DHCR24: variants seen among roughly 807,000 people sequenced by gnomAD.
DHCR24 encodes the protein delta(24)-sterol reductase.
DHCR24 carries 28 observed loss-of-function variants against 61.2 expected under a neutral mutation model. The ratio of observed to expected loss-of-function variants is 0.46; its 90% CI spans 0.34 to 0.63. The LOEUF (loss-of-function observed/expected upper bound fraction) is 0.63, where lower values mean the gene tolerates loss of function less well. DHCR24 is among the 20% of genes least tolerant of loss of function. The probability of loss-of-function intolerance (pLI) is 0.01; values close to 1 mark genes in which losing one functional copy is unlikely to be tolerated. For missense variants in DHCR24, 538 were observed against 679.1 expected (o/e 0.79, Z 2.31); for synonymous variants, 261 against 275.9 (o/e 0.95, Z 0.54).
rs1415300144 is a variant in DHCR24 at position 54,852,207 on chromosome 1, G to A, written c.*26C>T. Reference sequence around the variant, plus strand: ...GGAAGATGCCTGACCACTCACACGTGTCTGTCTCTCCAGGCGGGCTCCAGC... The same window carrying A: ...GGAAGATGCCTGACCACTCACACGTATCTGTCTCTCCAGGCGGGCTCCAGC... On this transcript the variant is annotated 3_prime_UTR_variant, in exon 9 of 9. Transcript: ENST00000371269. 1.2e-6 allele frequency: 2 copies of A among 1,613,858 alleles called. No individual in the cohort carries two copies. The highest frequency in any genetic ancestry group is 1.3e-5 in the African/African-American group (1 of 74,942).
chr1:54,886,680 C>A, intron 1 of DHCR24: 1 of 1,507,462 alleles, frequency 6.6e-7, no homozygotes, highest in Non-Finnish European at 8.8e-7. Context: ...CCGCATATGC[C>A]CTGCACACAG....
intron 2 of DHCR24, among the ~76,000 whole-genome samples, chr1:54,879,449 T>A (rs773267498): frequency 1.3e-5 from 2 of 151,240 alleles, no homozygotes; most frequent in Non-Finnish European, 2.9e-5. Flanking sequence ...GAAGAAAAGA[T>A]TAGTTAACTT....
Position 54,851,990 on chromosome 1 carries a change from A to T in DHCR24, c.*243T>A. ...GGGGTTAAGGGACTCACCCAGAGTC[A>T]CACAGCTAATGAGTTCTAAACGGGG... On this transcript the variant is annotated 3_prime_UTR_variant, in exon 9 of 9. Transcript: ENST00000371269. 1 of 567,218 alleles carries T rather than the reference A, an allele frequency of 1.8e-6. No homozygotes were observed. The highest frequency in any genetic ancestry group is 3.2e-6 in the Non-Finnish European group (1 of 316,662). The allele number at this position is 567,218 out of a possible 1,614,324, so 35.1% of individuals were successfully genotyped here.
At chr1:54,875,495 T>C (rs892762536) in intron 3 of DHCR24, among the ~76,000 whole-genome samples, 17 of 152,028 alleles carry the variant, frequency 1.1e-4, no homozygotes, top group Admixed American at 2.6e-4. Context: ...TAGAAATCTG[T>C]GTGCATTCAT....
At chr1:54,866,439 C>T (rs911028447) in intron 5 of DHCR24, among the ~76,000 whole-genome samples, 1 of 151,944 alleles carries the variant, frequency 6.6e-6, no homozygotes, top group Non-Finnish European at 1.5e-5. Context: ...AGCTCCACCT[C>T]CCTGGTTCAC....
At chr1:54,880,396 A>G (rs1156392932) in intron 2 of DHCR24, among the ~76,000 whole-genome samples, 1 of 152,230 alleles carries the variant, frequency 6.6e-6, no homozygotes, top group Non-Finnish European at 1.5e-5. Context: ...AGGTTTCTAT[A>G]AAAATTCTAC....
In DHCR24 at chr1:54,880,297, T is replaced by C. The variant is rs1207547031; in HGVS notation, c.387+3321A>G. On this transcript the variant is annotated intron_variant, in intron 2 of 8. Transcript: ENST00000371269. ...CTAACCCAAGAAGAAATAAATAAAC[T>C]GAAGAGCCCAGTACCTATTAAAGAA... 2.0e-5 allele frequency among the ~76,000 whole-genome samples: 3 copies of C among 152,144 alleles called. No homozygotes were observed. The East Asian group carries it at 5.8e-4, about 29-fold the overall frequency.
In DHCR24 at chr1:54,887,153, G is replaced by A; in HGVS notation, c.-34C>T. 6.6e-7 allele frequency: 1 copy of A among 1,526,070 alleles called. No homozygotes were observed. The highest frequency in any genetic ancestry group is 2.5e-5 in the East Asian group (1 of 40,752). 94.5% of individuals were successfully genotyped at this position (1,526,070 alleles called of 1,614,324 possible). A position where few individuals can be genotyped will look rare whatever the true frequency, so the allele number is the denominator to read the frequency against. ...GCCGCGCGGTAAGCGCTGCGGGTTCGCGCCTCCTGTCACTGCCGCCAGCTC... is the reference window on the plus strand; with the variant it reads ...GCCGCGCGGTAAGCGCTGCGGGTTCACGCCTCCTGTCACTGCCGCCAGCTC... On this transcript the variant is annotated 5_prime_UTR_variant, in exon 1 of 9. Transcript: ENST00000371269.
intron 6 of DHCR24, among the ~76,000 whole-genome samples, chr1:54,856,207 C>A (rs1206336799): frequency 1.3e-5 from 2 of 152,140 alleles, no homozygotes; most frequent in Non-Finnish European, 2.9e-5. Context: ...TACAAATTGT[C>A]CATGGCTGCC....
intron 2 of DHCR24, among the ~76,000 whole-genome samples, chr1:54,879,321 TGAAAAAAAAA>T (rs1557439306): frequency 8.5e-5 from 1 of 11,732 alleles, no homozygotes. Flanking sequence ...AGACTCCATC[TGAAAAAAAAA>T]AAAAAAAAAA....
chr1:54,884,311 G>A (rs946028938), intron 1 of DHCR24, among the ~76,000 whole-genome samples: 2 of 152,218 alleles, frequency 1.3e-5, no homozygotes. Context: ...AAGATAGATG[G>A]AGTTGTGGTA....
At position 54,850,115 on chromosome 1, in the gene DHCR24, G is replaced by C. The variant is rs1004912019; in HGVS notation, c.*2118C>G. 9 of 152,340 alleles carry C rather than the reference G, an allele frequency of 5.9e-5. No individual in the cohort carries two copies. The highest frequency in any genetic ancestry group is 1.9e-4 in the African/African-American group (8 of 41,584). 9.4% of individuals were successfully genotyped at this position (152,340 alleles called of 1,614,324 possible). A position where few individuals can be genotyped will look rare whatever the true frequency, so the allele number is the denominator to read the frequency against. On this transcript the variant is annotated 3_prime_UTR_variant, in exon 9 of 9. Coordinates refer to ENST00000371269, the MANE Select transcript of DHCR24 (RefSeq NM_014762.4). ...AGATTTTACTGGAGCAACATAACCGGAGGGTGTGATTCCAAAATACCTTCC... is the reference window on the plus strand; with the variant it reads ...AGATTTTACTGGAGCAACATAACCGCAGGGTGTGATTCCAAAATACCTTCC...
At chr1:54,878,514 C>CAAAAAAAAAAAAA (rs56198608) in intron 2 of DHCR24, among the ~76,000 whole-genome samples, 103 of 54,330 alleles carry the variant, frequency 1.9e-3, no homozygotes, top group East Asian at 2.8e-3. Context: ...AACTCTGTCT[C>CAAAAAAAAAAAAA]AAAAAAAAAA....
At chr1:54,859,602 T>C (rs1311920439) in intron 6 of DHCR24, among the ~76,000 whole-genome samples, 1 of 152,134 alleles carries the variant, frequency 6.6e-6, no homozygotes, top group Non-Finnish European at 1.5e-5. Context: ...GTAGCTGGGA[T>C]TACAGGCATG....
At chr1:54,863,100 A>AAAAT (rs1646948033) in intron 6 of DHCR24, among the ~76,000 whole-genome samples, 1 of 119,802 alleles carries the variant, frequency 8.3e-6, no homozygotes, top group South Asian at 2.8e-4. Context: ...AAAAAAAAAA[A>AAAAT]GGCAGTCAAC....
chr1:54,886,740 G>A (rs761387300), intron 1 of DHCR24, 149 bp downstream of exon 1: 4 of 1,359,804 alleles, frequency 2.9e-6, no homozygotes, highest in Admixed American at 2.5e-5. Context: ...TTTTTGTTTC[G>A]TTCCAACCCC....
intron 2 of DHCR24, among the ~76,000 whole-genome samples, chr1:54,876,581 G>A (rs982674043): frequency 2.0e-5 from 3 of 151,862 alleles, no homozygotes; most frequent in Admixed American, 6.5e-5. Context: ...TTGAACCTGG[G>A]AGGTGGAGGT....
At chr1:54,853,758 C>T in intron 7 of DHCR24, 146 bp from the exon 8 acceptor site, 1 of 996,574 alleles carries the variant, frequency 1.0e-6, no homozygotes, top group Non-Finnish European at 1.5e-6. Flanking sequence ...GCCCCGCCCC[C>T]CAGCCCTGGC....
At chr1:54,859,594 A>G (rs1409229462) in intron 6 of DHCR24, among the ~76,000 whole-genome samples, 1 of 151,804 alleles carries the variant, frequency 6.6e-6, no homozygotes, top group Non-Finnish European at 1.5e-5. Flanking sequence ...CCTCCCTTGT[A>G]GCTGGGATTA....
Sources: gnomAD v4.1 joint callset for allele counts (sites outside exome capture counted in the v4.1 genomes callset) on GRCh38, gnomAD v4.1.1 for gene constraint, MANE v1.5 for transcripts, NCBI Gene and HGNC (gene_info 2026-07-23, HGNC 2026-07-21) for gene names.